GRIK4: variants seen among roughly 807,000 people sequenced by gnomAD.
GRIK4 encodes glutamate receptor ionotropic, kainate 4.
A neutral mutation model predicts 104.9 loss-of-function variants in GRIK4; 40 were observed. The ratio of observed to expected loss-of-function variants is 0.38; its 90% confidence interval spans 0.30 to 0.50. The LOEUF is 0.50. GRIK4 is among the 20% of genes least tolerant of loss of function. GRIK4 has a pLI of 0.93. For missense variants in GRIK4, 1,047 were observed against 1,308.1 expected (o/e 0.80, Z 3.08); for synonymous variants, 485 against 524.9 (o/e 0.92, Z 1.04).
chr11:120,783,355 C>G (rs1952199962), intron 3 of GRIK4, among the ~76,000 whole-genome samples: 1 of 152,108 alleles, frequency 6.6e-6, no homozygotes, highest in Non-Finnish European at 1.5e-5. Context: ...CTCTGTCTTG[C>G]TAATCCTGTA....
chr11:120,544,826 C>A (rs1165487923), intron 1 of GRIK4, among the ~76,000 whole-genome samples: 2 of 152,112 alleles, frequency 1.3e-5, no homozygotes, highest in African/African-American at 4.8e-5. Flanking sequence ...AACAGAGATT[C>A]TTCAGTGGAT....
At position 120,650,764 on chromosome 11, in the gene GRIK4, G is replaced by A. The variant is rs552406110; in HGVS notation, c.-158-2921G>A. On this transcript the variant is annotated intron_variant, in intron 1 of 20. Coordinates refer to ENST00000527524, the MANE Select transcript of GRIK4 (RefSeq NM_014619.5). ...TCACTGAATAAAGTATAAATGTATA[G>A]TGGCATTCGGTATGTGTACATGCTT... 2.9e-4 allele frequency among the ~76,000 whole-genome samples: 44 copies of A among 152,348 alleles called. 1 individual carries two copies. The South Asian group carries it at 9.1e-3, about 32-fold the overall frequency.
chr11:120,621,675 C>T (rs1267036517), intron 1 of GRIK4, among the ~76,000 whole-genome samples: 1 of 152,150 alleles, frequency 6.6e-6, no homozygotes, highest in Non-Finnish European at 1.5e-5. Flanking sequence ...CAAGCATGTA[C>T]TAACTATGTA....
intron 13 of GRIK4, among the ~76,000 whole-genome samples, chr11:120,908,136 G>T (rs113376726): frequency 4.3e-4 from 66 of 152,260 alleles, no homozygotes; most frequent in African/African-American, 1.5e-3. Flanking sequence ...ATCTAAATCT[G>T]TCCCTTATAC....
At position 120,819,295 on chromosome 11, in the gene GRIK4, G is replaced by C. The variant is rs1306372038; in HGVS notation, c.346-460G>C. On this transcript the variant is annotated intron_variant, in intron 5 of 20. Transcript: ENST00000527524. The surrounding 1 kb of genome is among the most constrained non-coding windows in gnomAD (Gnocchi z 4.3). ...TACTATACACCTGTTGGCTGGGCTG[G>C]GCTGATGGGACTCTTCTCTTAGTCC... 6.6e-6 allele frequency among the ~76,000 whole-genome samples: 1 copy of C among 152,142 alleles called. No individual in the cohort carries two copies. The highest frequency in any genetic ancestry group is 1.9e-4 in the East Asian group (1 of 5,188).
intron 1 of GRIK4, chr11:120,576,249 C>T (rs1032415830): frequency 6.6e-6 from 1 of 152,118 alleles, no homozygotes; most frequent in Non-Finnish European, 1.5e-5. Context: ...ATTACAACTC[C>T]TATTATTTCA....
At chr11:120,927,394 C>G (rs1488839410) in intron 13 of GRIK4, among the ~76,000 whole-genome samples, 1 of 151,788 alleles carries the variant, frequency 6.6e-6, no homozygotes, top group Non-Finnish European at 1.5e-5. Flanking sequence ...TGGCAAAACC[C>G]CATCTCTACT....
At chr11:120,598,660 G>A (rs1434877377) in intron 1 of GRIK4, among the ~76,000 whole-genome samples, 3 of 152,196 alleles carry the variant, frequency 2.0e-5, no homozygotes, top group Non-Finnish European at 2.9e-5. Flanking sequence ...GCCTCCCTCA[G>A]TATCAGCTGT....
At chr11:120,678,793 C>T (rs1196796761) in intron 3 of GRIK4, among the ~76,000 whole-genome samples, 1 of 152,054 alleles carries the variant, frequency 6.6e-6, no homozygotes, top group Non-Finnish European at 1.5e-5. Context: ...GCCACCACAC[C>T]TGGTTAATTT....
At chr11:120,895,522 T>C in intron 11 of GRIK4, among the ~76,000 whole-genome samples, 1 of 152,144 alleles carries the variant, frequency 6.6e-6, no homozygotes. Flanking sequence ...AGCTATGTAT[T>C]TGGACTTCTT....
In GRIK4 at chr11:120,680,703, G is replaced by A. The variant is rs978298987; in HGVS notation, c.82+20303G>A. On this transcript the variant is annotated intron_variant, in intron 3 of 20. Coordinates refer to ENST00000527524, the MANE Select transcript of GRIK4 (RefSeq NM_014619.5). ...ATGGGGACATCAGGGCAGGAAACAG[G>A]GACTAACTGAGCTAAGTTATGCAAC... Among the ~76,000 whole-genome samples, 6 of 152,312 alleles carry A rather than the reference G, an allele frequency of 3.9e-5. No individual in the cohort carries two copies. The South Asian group carries it at 1.2e-3, about 32-fold the overall frequency.
At chr11:120,751,657 A>G (rs1332500246) in intron 3 of GRIK4, among the ~76,000 whole-genome samples, 1 of 152,180 alleles carries the variant, frequency 6.6e-6, no homozygotes, top group African/African-American at 2.4e-5. Flanking sequence ...CCTGGATGCA[A>G]TAAAAGCAGA....
chr11:120,765,839 G>A (rs764255801), intron 3 of GRIK4, among the ~76,000 whole-genome samples: 1 of 152,214 alleles, frequency 6.6e-6, no homozygotes, highest in Non-Finnish European at 1.5e-5. Context: ...ATCATAGAGG[G>A]GCACCTGCCA....
chr11:120,520,505 C>T (rs935408494), intron 1 of GRIK4, among the ~76,000 whole-genome samples: 1 of 152,188 alleles, frequency 6.6e-6, no homozygotes, highest in African/African-American at 2.4e-5. Context: ...AGGAAGAAGG[C>T]AGCGACATAA....
intron 13 of GRIK4, among the ~76,000 whole-genome samples, chr11:120,918,409 CTTTTACTTTCATAGAGTTCACACAGT>C (rs1943156739): frequency 6.6e-6 from 1 of 152,188 alleles, no homozygotes; most frequent in African/African-American, 2.4e-5. Context: ...GTGCCTTCAG[CTTTTACTTTCATAGAGTTCACACAGT>C]TTTTACTTTC....
At chr11:120,708,385 C>T (rs924698188) in intron 3 of GRIK4, among the ~76,000 whole-genome samples, 1 of 152,130 alleles carries the variant, frequency 6.6e-6, no homozygotes, top group Non-Finnish European at 1.5e-5. Context: ...TCCCCTCCCA[C>T]CTCTAGCTCA....
chr11:120,818,268 T>C (rs1206072560), intron 5 of GRIK4, among the ~76,000 whole-genome samples: 1 of 152,208 alleles, frequency 6.6e-6, no homozygotes. Context: ...TGTTCAAACG[T>C]TCAAACCAGC....
At chr11:120,623,272 G>T (rs897999923) in intron 1 of GRIK4, among the ~76,000 whole-genome samples, 4 of 151,940 alleles carry the variant, frequency 2.6e-5, no homozygotes, top group African/African-American at 9.7e-5. Context: ...CCTCCAAGTA[G>T]CTGGGGCTAC....
chr11:120,661,129 G>A (rs1949807399), intron 3 of GRIK4, among the ~76,000 whole-genome samples: 1 of 152,196 alleles, frequency 6.6e-6, no homozygotes, highest in African/African-American at 2.4e-5. Flanking sequence ...ACAGGGACAA[G>A]GACACAGTTC....
Sources: allele counts gnomAD v4.1 joint callset (sites outside exome capture counted in the v4.1 genomes callset), GRCh38; gene constraint gnomAD v4.1.1; non-coding constraint Gnocchi (gnomAD v3.1); transcripts MANE v1.5; gene names NCBI Gene and HGNC (gene_info 2026-07-23, HGNC 2026-07-21).